Variants in GNL2 observed in about 807,000 individuals in gnomAD.
The protein encoded by GNL2 is nucleolar GTP-binding protein 2.
In GNL2, 51 loss-of-function variants were observed where a neutral mutation model predicts 92.3. That is an observed-to-expected ratio of 0.55 (90% CI 0.44 to 0.70). The LOEUF is 0.70. Ranked by LOEUF, GNL2 falls within the 30% of genes least tolerant of loss-of-function variation. The probability of loss-of-function intolerance (pLI) is 0.00; values close to 1 mark genes in which losing one functional copy is unlikely to be tolerated. For missense variants in GNL2, 844 were observed against 895.6 expected (o/e 0.94, Z 0.74); for synonymous variants, 283 against 300.6 (o/e 0.94, Z 0.61).
At position 37,590,752 on chromosome 1, in the gene GNL2, T is replaced by G. The variant is rs763054066; in HGVS notation, c.338A>C (p.Gln113Pro). ...GAGAAGAGACATTGGTAACTTGCTTTGCTTCATGACAACTTTGTATGGATC... is the reference window on the plus strand; with the variant it reads ...GAGAAGAGACATTGGTAACTTGCTTGGCTTCATGACAACTTTGTATGGATC... Reference protein sequence around the residue: ...MKDPYKVVMKQSKLPMSLLHD... With the variant: ...MKDPYKVVMKPSKLPMSLLHD... Residue 113 changes from glutamine to proline, a missense_variant, in exon 4 of 16, where the codon CAA becomes CCA. Physicochemically the swap from Gln to Pro is moderately conservative, Grantham distance 76. Transcript: ENST00000373062. The G allele has an allele frequency of 6.2e-7, 1 of 1,613,402 alleles. No individual in the cohort carries two copies. Among genetic ancestry groups the G allele is most frequent in the South Asian group, 1.1e-5 (1 of 91,032 alleles).
Position 37,568,558 on chromosome 1 carries a change from T to C in GNL2, c.1869-201A>G, listed in dbSNP as rs143419872. On this transcript the variant is annotated intron_variant, in intron 13 of 15. Coordinates refer to ENST00000373062, the MANE Select transcript of GNL2 (RefSeq NM_013285.3). ...TTCTCATACTGCAGGCAGCTGAATT[T>C]TACAAAATTTACAGTTCACTTTTTA... The C allele has an allele frequency of 8.7e-4, 525 of 602,084 alleles. 6 individuals carry two copies. In the African/African-American group the frequency reaches 8.9e-3, roughly 10 times the overall value. 37.3% of individuals were successfully genotyped at this position (602,084 alleles called of 1,614,324 possible).
chr1:37,569,388 T>C, intron 12 of GNL2, 86 bp from the exon 13 acceptor site: 1 of 874,962 alleles, frequency 1.1e-6, no homozygotes. Flanking sequence ...TCTTAAACAG[T>C]CCTCTTCTCA....
At chr1:37,573,129 T>C (rs1383199900) in intron 12 of GNL2, among the ~76,000 whole-genome samples, 1 of 152,154 alleles carries the variant, frequency 6.6e-6, no homozygotes, top group African/African-American at 2.4e-5. Flanking sequence ...AAAGATGCAA[T>C]ACACATGAAG....
chr1:37,567,936 C>G, intron 14 of GNL2, 172 bp from the exon 15 acceptor site: 1 of 611,362 alleles, frequency 1.6e-6, no homozygotes, highest in East Asian at 2.8e-5. Context: ...AAAGGATGCC[C>G]TAAGCCATGC....
intron 5 of GNL2, among the ~76,000 whole-genome samples, chr1:37,584,681 G>A (rs1204543680): frequency 6.6e-6 from 1 of 152,098 alleles, no homozygotes; most frequent in African/African-American, 2.4e-5. Context: ...AGTGTTAAAT[G>A]GGTACAGGGT....
chr1:37,582,249 T>C lies in GNL2; in HGVS notation c.883A>G (p.Ile295Val). The part of the protein sequence containing the change: ...LTNPFGKGAF[I>V]QLLRQFGKLH... The stretch of plus-strand genomic sequence containing the variant: ...TTTCCAAACTGCCGCAGAAGCTGAA[T>C]GAATGCTCCCTTGCCAAACGGGTTA... Residue 295 changes from isoleucine to valine, a missense_variant, in exon 8 of 16, where the codon ATT (isoleucine) becomes GTT (valine). Transcript: ENST00000373062. 3 of 1,612,330 alleles carry C rather than the reference T, an allele frequency of 1.9e-6. No homozygotes were observed. The highest frequency in any genetic ancestry group is 2.5e-6 in the Non-Finnish European group (3 of 1,179,080).
chr1:37,595,636 A>G, intron 1 of GNL2, 123 bp downstream of exon 1: 1 of 802,978 alleles, frequency 1.2e-6, no homozygotes, highest in Middle Eastern at 2.3e-4. Context: ...CCCAACAGCC[A>G]CCCCGCTCGT....
intron 12 of GNL2, 113 bp downstream of exon 12, chr1:37,574,230 G>A: frequency 2.0e-6 from 1 of 512,812 alleles, no homozygotes; most frequent in Non-Finnish European, 3.5e-6. Context: ...ATAATAAAAT[G>A]AGAGACACCG....
chr1:37,574,521 G>A (rs1643646354), intron 11 of GNL2, 65 bp from the exon 12 acceptor site: 5 of 1,444,934 alleles, frequency 3.5e-6, no homozygotes, highest in East Asian at 2.3e-5. Flanking sequence ...CACTTTGGGG[G>A]TATTTCAGTT....
intron 1 of GNL2, 49 bp downstream of exon 1, chr1:37,595,709 TC>T (rs1283986161): frequency 6.6e-7 from 1 of 1,514,626 alleles, no homozygotes. Flanking sequence ...TCGGAGCCCT[TC>T]CCTATACTTC....
In GNL2 at chr1:37,569,413, T is replaced by C. The variant is rs1462182314; in HGVS notation, c.1417-111A>G. The C allele has an allele frequency of 2.2e-5, 15 of 692,810 alleles. No homozygotes were observed. The Middle Eastern group carries it at 9.3e-4, about 43-fold the overall frequency. The allele number at this position is 692,810 out of a possible 1,614,324, so 42.9% of individuals were successfully genotyped here. A position where few individuals can be genotyped will look rare whatever the true frequency, so the allele number is the denominator to read the frequency against. On this transcript the variant is annotated intron_variant, in intron 12 of 15. Transcript: ENST00000373062. Reference sequence around the variant, plus strand: ...TCCTCTTCTCAGGACTAAGGGAAGGTATTGAAAACACCCAAATTTGAGTCA... The same window carrying C: ...TCCTCTTCTCAGGACTAAGGGAAGGCATTGAAAACACCCAAATTTGAGTCA...
chr1:37,581,967 C>A (rs929790639), intron 8 of GNL2, among the ~76,000 whole-genome samples: 1 of 146,396 alleles, frequency 6.8e-6, no homozygotes, highest in Non-Finnish European at 1.5e-5. Flanking sequence ...CCGGCCACAT[C>A]TTTTTTTTTT....
chr1:37,574,726 G>C lies in GNL2; in HGVS notation c.1241C>G (p.Ser414Cys). 2 of 1,613,774 alleles carry C rather than the reference G, an allele frequency of 1.2e-6. No homozygotes were observed. The highest frequency in any genetic ancestry group is 1.7e-6 in the Non-Finnish European group (2 of 1,179,682). The change falls in exon 11 of 16, where the codon TCT becomes TGT. Residue 414 changes from serine (S) to cysteine (C), a missense_variant. Ser to Cys is a moderately radical substitution (Grantham distance 112, BLOSUM62 -1). Transcript: ENST00000373062. Reference sequence around the variant, plus strand: ...AAGAAAGTCCTCAGCATTCTCCCAAGAATCAATCTTGTATGTTTTGCTGAT... The same window carrying C: ...AAGAAAGTCCTCAGCATTCTCCCAACAATCAATCTTGTATGTTTTGCTGAT... ...EYISKTYKID[S>C]WENAEDFLEK...
rs1643557174 is a variant in GNL2 at position 37,569,183 on chromosome 1, C to G, written c.1536G>C (p.Glu512Asp). 6.2e-7 allele frequency: 1 copy of G among 1,613,958 alleles called. No individual in the cohort carries two copies. The highest frequency in any genetic ancestry group is 8.5e-7 in the Non-Finnish European group (1 of 1,179,958). Reference sequence around the variant, plus strand: ...CTGTGTTAGCATCACAGTGACTGTTCTCTTCTGTTTCTTCCTTAATGATGG... The same window carrying G: ...CTGTGTTAGCATCACAGTGACTGTTGTCTTCTGTTTCTTCCTTAATGATGG... Reference protein sequence around the residue: ...SESIIKEETEENSHCDANTEM... With the variant: ...SESIIKEETEDNSHCDANTEM... The change falls in exon 13 of 16, where the codon GAG becomes GAC. Residue 512 changes from glutamate (E) to aspartate (D), a missense_variant. Transcript: ENST00000373062.
rs1403268927 is a variant in GNL2, at chr1:37,593,855, G to T, written c.65-9C>A. On this transcript the variant is annotated splice_polypyrimidine_tract_variant and intron_variant, in intron 1 of 15. Coordinates refer to ENST00000373062, the MANE Select transcript of GNL2 (RefSeq NM_013285.3). ...TGCTCCCTGCACTCGATCTACAAAA[G>T]GCAGAAGTACACAGTGCACTATTTG... The T allele has an allele frequency of 6.2e-7, 1 of 1,606,290 alleles. No individual in the cohort carries two copies. Among genetic ancestry groups the T allele is most frequent in the Non-Finnish European group, 8.5e-7 (1 of 1,173,138 alleles).
chr1:37,576,032 G>A (rs990754520), intron 9 of GNL2: 8 of 302,648 alleles, frequency 2.6e-5, no homozygotes, highest in Non-Finnish European at 4.3e-5. Context: ...TTGCCTTTAA[G>A]CAAAACCATG....
chr1:37,571,345 G>A (rs755049096), intron 12 of GNL2, among the ~76,000 whole-genome samples: 77 of 152,190 alleles, frequency 5.1e-4, no homozygotes, highest in Non-Finnish European at 4.7e-4. Flanking sequence ...ATAAGACTAT[G>A]TAAGAATTGA....
intron 3 of GNL2, among the ~76,000 whole-genome samples, chr1:37,592,206 T>C (rs1004056977): frequency 5.3e-5 from 8 of 151,944 alleles, no homozygotes; most frequent in African/African-American, 1.9e-4. Context: ...GACAGGGAGT[T>C]TTCCAAGGAA....
chr1:37,574,729 T>C lies in GNL2; in HGVS notation c.1238A>G (p.Asp413Gly). 1 of 1,613,998 alleles carries C rather than the reference T, an allele frequency of 6.2e-7. No homozygotes were observed. The highest frequency in any genetic ancestry group is 1.3e-5 in the African/African-American group (1 of 75,044). ...AAAGTCCTCAGCATTCTCCCAAGAA[T>C]CAATCTTGTATGTTTTGCTGATATA... is the stretch of plus-strand genomic sequence containing the variant. ...PEYISKTYKI[D>G]SWENAEDFLE... is the part of the protein sequence containing the mutation. The change falls in exon 11 of 16, where the codon GAT becomes GGT. Residue 413 changes from aspartate (D) to glycine (G), a missense_variant. Asp to Gly is a moderately conservative substitution (Grantham distance 94). Coordinates refer to ENST00000373062, the MANE Select transcript of GNL2 (RefSeq NM_013285.3).
Sources: gnomAD v4.1 joint callset for allele counts (sites outside exome capture counted in the v4.1 genomes callset) on GRCh38, gnomAD v4.1.1 for gene constraint, MANE v1.5 for transcripts, NCBI Gene and HGNC (gene_info 2026-07-23, HGNC 2026-07-21) for gene names.